Variants in CLVS1 observed in about 807,000 individuals in gnomAD.
The protein encoded by CLVS1 is clavesin 1, also known as clavesin-1.
A neutral mutation model predicts 33.1 loss-of-function variants in CLVS1; 10 were observed. The ratio of observed to expected loss-of-function variants is 0.30; its 90% CI spans 0.19 to 0.51. The LOEUF (loss-of-function observed/expected upper bound fraction) is 0.51, where lower values mean the gene tolerates loss of function less well. CLVS1 is among the 20% of genes least tolerant of loss of function. The pLI, the probability that CLVS1 is intolerant of heterozygous loss-of-function variation, is 0.97. For synonymous variants in CLVS1, 163 were observed against 166.1 expected (o/e 0.98, Z 0.14); for missense variants, 343 against 433.4 (o/e 0.79, Z 1.85).
At chr8:61,246,616 A>G (rs1022507389) in intron 2 of CLVS1, among the ~76,000 whole-genome samples, 2 of 152,058 alleles carry the variant, frequency 1.3e-5, no homozygotes, top group African/African-American at 4.8e-5. Context: ...TTTTCTTGAA[A>G]TTCTTCTATC....
intron 1 of CLVS1, among the ~76,000 whole-genome samples, chr8:61,067,029 G>A (rs147726598): frequency 6.6e-6 from 1 of 152,230 alleles, no homozygotes; most frequent in South Asian, 2.1e-4. Flanking sequence ...CATAAATGGG[G>A]GGGGAGGGCA....
At chr8:60,995,919 A>C in the CLVS1 span, among the ~76,000 whole-genome samples, 3 of 152,266 alleles carry the variant, frequency 2.0e-5, no homozygotes, top group South Asian at 6.2e-4. Flanking sequence ...AGAACAAAAA[A>C]CCAAACACCG....
At chr8:61,283,324 G>A (rs576330263), upstream of CLVS1, among the ~76,000 whole-genome samples, 71 of 152,270 alleles carry the variant, frequency 4.7e-4, no homozygotes, top group African/African-American at 1.6e-3. Context: ...ACTTCCTGCT[G>A]TTTGATGCTA....
At chr8:61,217,748 A>G (rs1008497626) in intron 2 of CLVS1, among the ~76,000 whole-genome samples, 5 of 152,230 alleles carry the variant, frequency 3.3e-5, no homozygotes, top group Admixed American at 6.5e-5. Flanking sequence ...AAATATTTGT[A>G]AACTACTTAT....
intron 5 of CLVS1, chr8:61,465,157 G>A (rs1330079354): frequency 1.3e-5 from 2 of 152,196 alleles, no homozygotes; most frequent in African/African-American, 4.8e-5. Flanking sequence ...AGATGACATA[G>A]GTCTGCCCTC....
At chr8:61,185,558 A>G (rs904994321) in intron 2 of CLVS1, among the ~76,000 whole-genome samples, 40 of 152,232 alleles carry the variant, frequency 2.6e-4, no homozygotes, top group Middle Eastern at 3.4e-3. Context: ...GCTATATCAC[A>G]TTTCCACATT....
At chr8:61,063,075 G>A (rs1804609409) in intron 1 of CLVS1, among the ~76,000 whole-genome samples, 1 of 152,172 alleles carries the variant, frequency 6.6e-6, no homozygotes, top group African/African-American at 2.4e-5. Context: ...CCTAAAAAAG[G>A]TTAAATATCT....
the CLVS1 span, among the ~76,000 whole-genome samples, chr8:61,021,507 T>C: frequency 9.9e-5 from 15 of 151,732 alleles, no homozygotes; most frequent in Non-Finnish European, 1.9e-4. Context: ...CACACTACCA[T>C]GACTGGCTAA....
At chr8:61,140,535 AT>A (rs1233179469) in intron 2 of CLVS1, among the ~76,000 whole-genome samples, 1 of 151,818 alleles carries the variant, frequency 6.6e-6, no homozygotes. Context: ...ATATACTTTA[AT>A]TTTTTTATTA....
intron 3 of CLVS1, among the ~76,000 whole-genome samples, chr8:61,413,281 T>C (rs1163410893): frequency 6.6e-6 from 1 of 152,212 alleles, no homozygotes; most frequent in Admixed American, 6.5e-5. Flanking sequence ...AAGAATATAT[T>C]ATATTCCATT....
intron 2 of CLVS1, among the ~76,000 whole-genome samples, chr8:61,254,570 A>T (rs1189497286): frequency 6.6e-6 from 1 of 152,116 alleles, no homozygotes; most frequent in African/African-American, 2.4e-5. Context: ...GGCTGTACCC[A>T]GTTTGAGCTT....
chr8:60,969,740 A>G, the CLVS1 span, among the ~76,000 whole-genome samples: 3 of 152,206 alleles, frequency 2.0e-5, no homozygotes, highest in African/African-American at 7.2e-5. Flanking sequence ...CTCCCTGTCC[A>G]TGGATTCAGC....
chr8:61,441,672 G>C (rs1816552202), intron 3 of CLVS1, among the ~76,000 whole-genome samples: 2 of 152,164 alleles, frequency 1.3e-5, no homozygotes, highest in African/African-American at 2.4e-5. Context: ...GGCCACGGGT[G>C]ACATCTGTAT....
intron 2 of CLVS1, among the ~76,000 whole-genome samples, chr8:61,215,880 T>A (rs1232466187): frequency 9.2e-5 from 14 of 152,140 alleles, no homozygotes; most frequent in Admixed American, 9.2e-4. Context: ...TGGATTCCCA[T>A]CTCCTACCGC....
At chr8:61,326,631 C>A (rs895668431) in intron 2 of CLVS1, among the ~76,000 whole-genome samples, 1 of 152,160 alleles carries the variant, frequency 6.6e-6, no homozygotes, top group African/African-American at 2.4e-5. Flanking sequence ...TACAGAGGAA[C>A]ATGTCGCCTG....
chr8:61,252,889 T>C (rs1488313693), intron 2 of CLVS1, among the ~76,000 whole-genome samples: 1 of 152,212 alleles, frequency 6.6e-6, no homozygotes, highest in Non-Finnish European at 1.5e-5. Context: ...CCAGTCTGTA[T>C]CTTTTAACTG....
intron 1 of CLVS1, among the ~76,000 whole-genome samples, chr8:61,060,961 G>C (rs376212961): frequency 7.2e-5 from 11 of 152,028 alleles, no homozygotes; most frequent in Admixed American, 2.0e-4. Flanking sequence ...TCTTTTCATG[G>C]GAGAAATAAC....
At chr8:61,139,832 G>A (rs112467867) in intron 2 of CLVS1, among the ~76,000 whole-genome samples, 1 of 152,130 alleles carries the variant, frequency 6.6e-6, no homozygotes, top group Non-Finnish European at 1.5e-5. Flanking sequence ...TCTCCTTCCC[G>A]GCTCCCTCTT....
chr8:61,210,380 G>A (rs117331496), intron 2 of CLVS1, among the ~76,000 whole-genome samples: 2 of 152,346 alleles, frequency 1.3e-5, no homozygotes, highest in East Asian at 3.9e-4. Context: ...CCTCAGAACT[G>A]TGAGAAATAA....
Sources: allele counts gnomAD v4.1 joint callset (sites outside exome capture counted in the v4.1 genomes callset), GRCh38; gene constraint gnomAD v4.1.1; transcripts MANE v1.5; gene names NCBI Gene and HGNC (gene_info 2026-07-23, HGNC 2026-07-21).